WWC2: variants seen among roughly 807,000 people sequenced by gnomAD.
WWC2 encodes protein WWC2.
WWC2 carries 101 observed loss-of-function variants against 138.5 expected under a neutral mutation model. The ratio of observed to expected loss-of-function variants is 0.73; its 90% CI spans 0.62 to 0.86. The LOEUF (loss-of-function observed/expected upper bound fraction) is 0.86, where lower values mean the gene tolerates loss of function less well. Among genes scored for constraint, WWC2 ranks in the 40% least tolerant of loss-of-function variants. WWC2 has a pLI of 0.00. For missense variants in WWC2, 1,420 were observed against 1,419.4 expected (o/e 1.00, Z -0.01); for synonymous variants, 558 against 538.4 (o/e 1.04, Z -0.50).
chr4:183,209,663 C>T (rs1164869153), intron 4 of WWC2, among the ~76,000 whole-genome samples: 1 of 152,134 alleles, frequency 6.6e-6, no homozygotes, highest in Non-Finnish European at 1.5e-5. Flanking sequence ...TGTCAGACAA[C>T]CCAATATTTC....
chr4:183,295,478 G>A (rs566765102), intron 21 of WWC2, among the ~76,000 whole-genome samples: 3 of 152,216 alleles, frequency 2.0e-5, no homozygotes, highest in South Asian at 2.1e-4. Context: ...TGGCCTTAGC[G>A]TAGCTTGGCC....
intron 21 of WWC2, among the ~76,000 whole-genome samples, chr4:183,299,753 A>G (rs778383045): frequency 2.1e-4 from 32 of 152,072 alleles, no homozygotes; most frequent in Non-Finnish European, 3.8e-4. Flanking sequence ...TTGCCCTTTC[A>G]TCTCCATCAT....
At chr4:183,248,669 TCTTA>T in intron 6 of WWC2, 41 bp from the exon 7 acceptor site, 2 of 1,522,744 alleles carry the variant, frequency 1.3e-6, no homozygotes, top group Admixed American at 1.9e-5. Flanking sequence ...AGGTTTGCTG[TCTTA>T]CTTGTTAAGC....
intron 22 of WWC2, among the ~76,000 whole-genome samples, chr4:183,313,435 G>A (rs1246173908): frequency 2.0e-5 from 3 of 152,052 alleles, no homozygotes; most frequent in East Asian, 1.9e-4. Context: ...GGGGGGCAGT[G>A]GCTGCCCTGT....
At chr4:183,130,830 A>G (rs545752922) in intron 1 of WWC2, among the ~76,000 whole-genome samples, 1 of 152,302 alleles carries the variant, frequency 6.6e-6, no homozygotes, top group Admixed American at 6.5e-5. Context: ...CTCTAGTCAC[A>G]TTGGGCATTC....
intron 1 of WWC2, among the ~76,000 whole-genome samples, chr4:183,118,049 T>C (rs950198304): frequency 1.2e-4 from 18 of 150,992 alleles, no homozygotes; most frequent in South Asian, 4.2e-4. Flanking sequence ...CCACCCACCT[T>C]GGCCTCCCAA....
intron 5 of WWC2, among the ~76,000 whole-genome samples, chr4:183,241,446 G>T (rs1237778018): frequency 6.6e-6 from 1 of 152,166 alleles, no homozygotes; most frequent in Non-Finnish European, 1.5e-5. Flanking sequence ...CCAGTCAGAC[G>T]CATGACTTTA....
In WWC2 at chr4:183,170,846, AT is replaced by A. The variant is rs10583073; in HGVS notation, c.132-22736del. Among the ~76,000 whole-genome samples, 1,027 of 148,050 alleles carry A rather than the reference AT, an allele frequency of 6.9e-3. 17 individuals carry two copies. Among genetic ancestry groups the A allele is most frequent in the African/African-American group, 0.024 (968 of 40,364 alleles). On this transcript the variant is annotated intron_variant, in intron 1 of 22. Coordinates refer to ENST00000403733, the MANE Select transcript of WWC2 (RefSeq NM_024949.6). ...TAGCTGGGACTACACTAGCTAATTA[AT>A]TTTTTTTTTTTTTTTTAATAGAGAG...
At chr4:183,243,961 T>C (rs1560862516) in intron 5 of WWC2, among the ~76,000 whole-genome samples, 2 of 152,160 alleles carry the variant, frequency 1.3e-5, no homozygotes, top group Non-Finnish European at 2.9e-5. Flanking sequence ...ACCGCTCTTG[T>C]TTGAGTGGAC....
At chr4:183,121,329 T>G (rs1369104585) in intron 1 of WWC2, among the ~76,000 whole-genome samples, 1 of 151,798 alleles carries the variant, frequency 6.6e-6, no homozygotes, top group Non-Finnish European at 1.5e-5. Flanking sequence ...GGACCGGAAG[T>G]GTTTCAGATT....
intron 1 of WWC2, among the ~76,000 whole-genome samples, chr4:183,129,261 AAGGAGAGAATGTTTTTGGGGG>A (rs1305633421): frequency 6.6e-6 from 1 of 152,196 alleles, no homozygotes; most frequent in Non-Finnish European, 1.5e-5. Flanking sequence ...AGTTAGCTTG[AAGGAGAGAATGTTTTTGGGGG>A]AGGGGTATCT....
intron 1 of WWC2, among the ~76,000 whole-genome samples, chr4:183,111,442 T>C (rs1057504579): frequency 2.0e-5 from 3 of 152,168 alleles, no homozygotes; most frequent in African/African-American, 4.8e-5. Context: ...TACTCTGCAG[T>C]TTTCCTTAGC....
chr4:183,301,318 A>G (rs1325129960), intron 21 of WWC2, among the ~76,000 whole-genome samples: 4 of 152,200 alleles, frequency 2.6e-5, no homozygotes, highest in Non-Finnish European at 5.9e-5. Flanking sequence ...TGAATCACAT[A>G]AATTCACAAG....
intron 1 of WWC2, among the ~76,000 whole-genome samples, chr4:183,107,821 A>G (rs974664409): frequency 2.0e-5 from 3 of 151,950 alleles, no homozygotes; most frequent in Non-Finnish European, 4.4e-5. Flanking sequence ...ATAAAGATGG[A>G]TAAGATTTGG....
intron 9 of WWC2, among the ~76,000 whole-genome samples, chr4:183,254,877 A>C (rs902143201): frequency 6.6e-6 from 1 of 152,226 alleles, no homozygotes; most frequent in Admixed American, 6.5e-5. Context: ...GCTTCAAAAA[A>C]AAAAATTGTG....
intron 21 of WWC2, among the ~76,000 whole-genome samples, chr4:183,310,791 CA>C (rs774486532): frequency 1.6e-5 from 2 of 126,124 alleles, no homozygotes; most frequent in Non-Finnish European, 3.2e-5. Flanking sequence ...GTTTTGTTCA[CA>C]ACTATAACCC....
At chr4:183,283,276 T>TA (rs1738141004) in intron 18 of WWC2, among the ~76,000 whole-genome samples, 1 of 152,236 alleles carries the variant, frequency 6.6e-6, no homozygotes. Flanking sequence ...AAACATGAAG[T>TA]AAACATTTAA....
chr4:183,134,199 C>A lies in WWC2; in HGVS notation c.131+34577C>A, dbSNP rs188157259. 1.6e-3 allele frequency among the ~76,000 whole-genome samples: 242 copies of A among 151,720 alleles called. 1 individual carries two copies. Among genetic ancestry groups the A allele is most frequent in the Non-Finnish European group, 2.7e-3 (185 of 67,882 alleles). On this transcript the variant is annotated intron_variant, in intron 1 of 22. Coordinates refer to ENST00000403733, the MANE Select transcript of WWC2 (RefSeq NM_024949.6). ...TTTGTTAGATGTTAGTTTTATTATT[C>A]TTTCAAAGAACTAAGTTTTGACACT... is the stretch of plus-strand genomic sequence containing the variant.
chr4:183,131,212 CT>C, intron 1 of WWC2, among the ~76,000 whole-genome samples: 1 of 152,140 alleles, frequency 6.6e-6, no homozygotes, highest in South Asian at 2.1e-4. Context: ...CGGAAATTAA[CT>C]CAAAGCTGAT....
Sources: gnomAD v4.1 joint callset for allele counts (sites outside exome capture counted in the v4.1 genomes callset) on GRCh38, gnomAD v4.1.1 for gene constraint, MANE v1.5 for transcripts, NCBI Gene and HGNC (gene_info 2026-07-23, HGNC 2026-07-21) for gene names.